Variants in DRC11 observed in about 807,000 individuals in gnomAD.
The protein encoded by DRC11 is dynein regulatory complex subunit 11.
chr2:236,416,743 AT>A, the DRC11 span, among the ~76,000 whole-genome samples: 24 of 56,424 alleles, frequency 4.3e-4, 2 homozygotes, highest in African/African-American at 1.5e-3. Context: ...ATATATATAT[AT>A]ATATATATAT....
the DRC11 span, among the ~76,000 whole-genome samples, chr2:236,416,659 G>A: frequency 1.4e-5 from 2 of 145,754 alleles, no homozygotes; most frequent in Non-Finnish European, 3.0e-5. Context: ...GCCAGCCGCA[G>A]TCATGCCCGG....
the DRC11 span, among the ~76,000 whole-genome samples, chr2:236,411,628 A>G: frequency 6.6e-6 from 1 of 151,090 alleles, no homozygotes; most frequent in Admixed American, 6.6e-5. Context: ...TCACAATAGC[A>G]AAGACTTGGA....
the DRC11 span, among the ~76,000 whole-genome samples, chr2:236,339,819 A>G: frequency 3.3e-5 from 5 of 152,234 alleles, no homozygotes; most frequent in Non-Finnish European, 7.3e-5. Context: ...GTAAGTTGGA[A>G]AATGAAATTG....
At chr2:236,448,087 G>C in the DRC11 span, among the ~76,000 whole-genome samples, 1 of 152,178 alleles carries the variant, frequency 6.6e-6, no homozygotes, top group South Asian at 2.1e-4. This position sits in a 1 kb window ranked among gnomAD's most constrained non-coding sequence, Gnocchi z 5.3. Flanking sequence ...AGGATTTTGT[G>C]TTAAAATTGT....
the DRC11 span, among the ~76,000 whole-genome samples, chr2:236,337,175 T>C: frequency 0.2 from 30,021 of 152,056 alleles, 3,072 homozygotes; most frequent in African/African-American, 0.26. The surrounding 1 kb of genome is among the most constrained non-coding windows in gnomAD (Gnocchi z 4.9). Context: ...TTCATGTGAC[T>C]CTCACATCAT....
chr2:236,416,725 A>ATATT, the DRC11 span, among the ~76,000 whole-genome samples: 2 of 16,008 alleles, frequency 1.2e-4, no homozygotes, highest in South Asian at 3.7e-3. Context: ...ATATATTTAT[A>ATATT]TATATATATA....
the DRC11 span, among the ~76,000 whole-genome samples, chr2:236,320,808 C>CTCCCTCCGCCGG: frequency 4.2e-3 from 637 of 151,762 alleles, 31 homozygotes; most frequent in East Asian, 0.11. Flanking sequence ...GAGTCTACAG[C>CTCCCTCCGCCGG]TCCCTCCGCC....
At chr2:236,405,315 G>T in the DRC11 span, among the ~76,000 whole-genome samples, 1 of 151,880 alleles carries the variant, frequency 6.6e-6, no homozygotes, top group Admixed American at 6.6e-5. The surrounding 1 kb of genome is among the most constrained non-coding windows in gnomAD (Gnocchi z 4.6). Flanking sequence ...CGACCTCAGA[G>T]TTGAGTCACT....
the DRC11 span, among the ~76,000 whole-genome samples, chr2:236,338,786 A>G: frequency 6.6e-6 from 1 of 152,238 alleles, no homozygotes; most frequent in African/African-American, 2.4e-5. Flanking sequence ...AACAATGAAG[A>G]GCCCAGCTCC....
chr2:236,483,431 T>C, the DRC11 span, among the ~76,000 whole-genome samples: 1 of 152,182 alleles, frequency 6.6e-6, no homozygotes, highest in Non-Finnish European at 1.5e-5. This position sits in a 1 kb window ranked among gnomAD's most constrained non-coding sequence, Gnocchi z 4.8. Flanking sequence ...AAATTAAGAA[T>C]GTAGGTGATA....
chr2:236,461,873 G>A, the DRC11 span, among the ~76,000 whole-genome samples: 2 of 152,134 alleles, frequency 1.3e-5, no homozygotes, highest in Admixed American at 6.5e-5. This position sits in a 1 kb window ranked among gnomAD's most constrained non-coding sequence, Gnocchi z 4.0. Flanking sequence ...GGGGCTCTCA[G>A]AGCTCAAGGA....
chr2:236,420,488 G>A, the DRC11 span, among the ~76,000 whole-genome samples: 1 of 152,150 alleles, frequency 6.6e-6, no homozygotes, highest in South Asian at 2.1e-4. This position sits in a 1 kb window ranked among gnomAD's most constrained non-coding sequence, Gnocchi z 4.8. Flanking sequence ...TGAAGATGGA[G>A]CAATTAAAAA....
At chr2:236,480,425 A>G in the DRC11 span, among the ~76,000 whole-genome samples, 5,759 of 151,730 alleles carry the variant, frequency 0.038, 360 homozygotes, top group African/African-American at 0.13. Context: ...ATTCCTTTTC[A>G]TTCTTTTTTT....
chr2:236,353,340 G>A, the DRC11 span, among the ~76,000 whole-genome samples: 1 of 152,158 alleles, frequency 6.6e-6, no homozygotes, highest in African/African-American at 2.4e-5. This position sits in a 1 kb window ranked among gnomAD's most constrained non-coding sequence, Gnocchi z 5.0. Context: ...CAAATTCTAG[G>A]AAGTTCTAGC....
chr2:236,459,668 T>C, the DRC11 span, among the ~76,000 whole-genome samples: 1 of 146,804 alleles, frequency 6.8e-6, no homozygotes, highest in Non-Finnish European at 1.5e-5. Context: ...TACATACGTA[T>C]ATACGTATAT....
the DRC11 span, among the ~76,000 whole-genome samples, chr2:236,420,363 T>C: frequency 6.6e-6 from 1 of 152,284 alleles, no homozygotes; most frequent in South Asian, 2.1e-4. The surrounding 1 kb of genome is among the most constrained non-coding windows in gnomAD (Gnocchi z 4.8). Context: ...TCGTACAAAA[T>C]GCACAGAGTG....
At chr2:236,390,445 T>C in the DRC11 span, among the ~76,000 whole-genome samples, 1 of 152,244 alleles carries the variant, frequency 6.6e-6, no homozygotes, top group Non-Finnish European at 1.5e-5. The surrounding 1 kb of genome is among the most constrained non-coding windows in gnomAD (Gnocchi z 5.9). Flanking sequence ...TTGGTGAGTT[T>C]AATCCATATA....
At chr2:236,445,993 C>CT in the DRC11 span, among the ~76,000 whole-genome samples, 2 of 152,188 alleles carry the variant, frequency 1.3e-5, no homozygotes, top group Non-Finnish European at 2.9e-5. This position sits in a 1 kb window ranked among gnomAD's most constrained non-coding sequence, Gnocchi z 4.8. Context: ...TTTGCACTGA[C>CT]TGTCTCTTCT....
At chr2:236,382,906 T>A in the DRC11 span, among the ~76,000 whole-genome samples, 2 of 152,314 alleles carry the variant, frequency 1.3e-5, no homozygotes, top group South Asian at 4.1e-4. Context: ...GTTTTAGATT[T>A]ACAGAAAAAT....
Sources: gnomAD v4.1 joint callset for allele counts (sites outside exome capture counted in the v4.1 genomes callset) on GRCh38, gnomAD v4.1.1 for gene constraint, Gnocchi (gnomAD v3.1) non-coding constraint, MANE v1.5 for transcripts, NCBI Gene and HGNC (gene_info 2026-07-23, HGNC 2026-07-21) for gene names.